TAOK1: variants seen among roughly 807,000 people sequenced by gnomAD.
TAOK1 encodes the protein TAO kinase 1, also known as serine/threonine-protein kinase TAO1.
Under a neutral mutation model 138.3 loss-of-function variants are expected in TAOK1, and 21 were observed. The observed-to-expected ratio is 0.15, with a 90% CI of 0.11 to 0.22. The LOEUF is 0.22. TAOK1 is among the 10% of genes least tolerant of loss of function. The probability of loss-of-function intolerance (pLI) is 1.00; values close to 1 mark genes in which losing one functional copy is unlikely to be tolerated. For missense variants in TAOK1, 651 were observed against 1,227.7 expected, an observed-to-expected ratio of 0.53 and a Z score of 7.02; for synonymous variants, 361 against 398.4, an observed-to-expected ratio of 0.91 and a Z score of 1.12.
chr17:29,482,525 T>A (rs946956221), intron 8 of TAOK1, among the ~76,000 whole-genome samples: 3 of 152,156 alleles, frequency 2.0e-5, no homozygotes, highest in Admixed American at 6.6e-5. Flanking sequence ...GTGGTTTTAA[T>A]TAAGTTTGAG....
chr17:29,441,313 A>T (rs1158440443), intron 1 of TAOK1, among the ~76,000 whole-genome samples: 1 of 152,014 alleles, frequency 6.6e-6, no homozygotes, highest in East Asian at 1.9e-4. Flanking sequence ...GTTCGAGTCC[A>T]CTCTGGGCAA....
Position 29,412,024 on chromosome 17 carries a change from CCTCT to C in TAOK1, c.-95+21011_-95+21014del, listed in dbSNP as rs940940628. ...TCCTTCCTTCTTTCCTTCCTTCCTT[CCTCT>C]CTCTCTCTCTTTCTCTCTCTCTTTC... is the stretch of plus-strand genomic sequence containing the variant. On this transcript the variant is annotated intron_variant, in intron 1 of 19. Coordinates refer to ENST00000261716, the MANE Select transcript of TAOK1 (RefSeq NM_020791.4). 8.0e-5 allele frequency among the ~76,000 whole-genome samples: 12 copies of C among 150,704 alleles called. No individual in the cohort carries two copies. In the East Asian group the frequency reaches 1.4e-3, roughly 17 times the overall value.
chr17:29,397,709 GAA>G (rs369759958), intron 1 of TAOK1, among the ~76,000 whole-genome samples: 1,421 of 57,398 alleles, frequency 0.025, 45 homozygotes, highest in African/African-American at 0.097. Flanking sequence ...ATGCATACAT[GAA>G]TATACATGTA....
rs1316102198 is a variant in TAOK1 at position 29,480,495 on chromosome 17, A to G, written c.563+14A>G. ...AACGCCGTATTGGTAAGAATAGTTA[A>G]AGCAGTCAGCAGCTGTTTTAAGTGT... On this transcript the variant is annotated intron_variant, in intron 7 of 19. Coordinates refer to ENST00000261716, the MANE Select transcript of TAOK1 (RefSeq NM_020791.4). The G allele has an allele frequency of 1.9e-6, 3 of 1,599,804 alleles. No individual in the cohort carries two copies. Among genetic ancestry groups the G allele is most frequent in the South Asian group, 1.1e-5 (1 of 90,192 alleles).
intron 1 of TAOK1, among the ~76,000 whole-genome samples, chr17:29,450,381 C>T (rs945165954): frequency 3.3e-5 from 5 of 152,154 alleles, no homozygotes; most frequent in Non-Finnish European, 7.3e-5. Context: ...ACTTTCACAC[C>T]TGGCCTATAG....
intron 10 of TAOK1, 72 bp downstream of exon 10, chr17:29,491,937 T>C (rs2031303745): frequency 8.7e-7 from 1 of 1,150,614 alleles, no homozygotes; most frequent in Non-Finnish European, 1.3e-6. Flanking sequence ...CAGGCTGGAG[T>C]GGCAGTGGCA....
At chr17:29,475,065 C>G (rs1022313039) in intron 3 of TAOK1, among the ~76,000 whole-genome samples, 103 of 152,020 alleles carry the variant, frequency 6.8e-4, no homozygotes, top group Non-Finnish European at 2.4e-4. Context: ...CTCAGCCTCC[C>G]GAGTACCTGG....
At chr17:29,488,591 TA>T (rs936034983) in intron 8 of TAOK1, among the ~76,000 whole-genome samples, 2 of 146,630 alleles carry the variant, frequency 1.4e-5, no homozygotes, top group African/African-American at 4.9e-5. Context: ...ATAATAATAA[TA>T]ATAATAATAA....
intron 1 of TAOK1, among the ~76,000 whole-genome samples, chr17:29,436,676 A>G (rs1246804800): frequency 6.6e-6 from 1 of 152,248 alleles, no homozygotes; most frequent in Non-Finnish European, 1.5e-5. Context: ...CAATAACTTA[A>G]CAACCTTAAT....
Position 29,501,423 on chromosome 17 carries a change from C to CA in TAOK1, c.1204-1149dup, listed in dbSNP as rs34004946. On this transcript the variant is annotated intron_variant, in intron 12 of 19. Coordinates refer to ENST00000261716, the MANE Select transcript of TAOK1 (RefSeq NM_020791.4). ...GGGCAACAAAATGGAGACCCTGTCTCAAAAAAAAAAAAAAAAAGATTATTC... is the reference window on the plus strand; with the variant it reads ...GGGCAACAAAATGGAGACCCTGTCTCAAAAAAAAAAAAAAAAAAGATTATTC... Among the ~76,000 whole-genome samples, 669 of 108,950 alleles carry CA rather than the reference C, an allele frequency of 6.1e-3. 3 individuals are homozygous for CA. The highest frequency in any genetic ancestry group is 0.019 in the African/African-American group (474 of 25,248). 71.5% of individuals were successfully genotyped at this position (108,950 alleles called of 152,430 possible).
At chr17:29,446,723 G>A (rs1253153742) in intron 1 of TAOK1, among the ~76,000 whole-genome samples, 1 of 145,118 alleles carries the variant, frequency 6.9e-6, no homozygotes, top group Non-Finnish European at 1.5e-5. Flanking sequence ...TATAGTAATT[G>A]TATTTTTACT....
At chr17:29,498,206 C>T in intron 11 of TAOK1, 112 bp from the exon 12 acceptor site, 1 of 1,075,760 alleles carries the variant, frequency 9.3e-7, no homozygotes. Flanking sequence ...CATGATAGAC[C>T]AACTTTCTGA....
intron 14 of TAOK1, among the ~76,000 whole-genome samples, chr17:29,509,626 G>T (rs549494532): frequency 6.6e-6 from 1 of 152,102 alleles, no homozygotes; most frequent in East Asian, 2.0e-4. Flanking sequence ...GGGTGCAGTG[G>T]CTCACACCTG....
chr17:29,394,150 G>GGTT (rs1904513941), intron 1 of TAOK1, among the ~76,000 whole-genome samples: 1 of 48,246 alleles, frequency 2.1e-5, no homozygotes, highest in Non-Finnish European at 3.6e-5. Context: ...TAATTTGCCA[G>GGTT]TTTTTTTTTT....
intron 1 of TAOK1, among the ~76,000 whole-genome samples, chr17:29,414,849 G>A (rs966451523): frequency 1.3e-5 from 2 of 152,090 alleles, no homozygotes; most frequent in Admixed American, 6.6e-5. Context: ...GTGAGCCACC[G>A]CACCCTGCCT....
chr17:29,534,378 T>G, intron 19 of TAOK1, 78 bp downstream of exon 19: 1 of 1,293,222 alleles, frequency 7.7e-7, no homozygotes, highest in Middle Eastern at 2.7e-4. Flanking sequence ...ATTTTCATGT[T>G]GGCAGAGGTC....
At chr17:29,462,819 ACT>A (rs928548125) in intron 2 of TAOK1, among the ~76,000 whole-genome samples, 1 of 151,588 alleles carries the variant, frequency 6.6e-6, no homozygotes, top group Admixed American at 6.6e-5. Flanking sequence ...TCTTTTTCCT[ACT>A]CTCTCTGACT....
At chr17:29,405,487 C>T (rs1196302621) in intron 1 of TAOK1, among the ~76,000 whole-genome samples, 1 of 151,914 alleles carries the variant, frequency 6.6e-6, no homozygotes, top group Admixed American at 6.6e-5. Flanking sequence ...TTTTAAAGAC[C>T]ACAAGTTTAG....
chr17:29,397,525 C>T (rs571232532), intron 1 of TAOK1, among the ~76,000 whole-genome samples: 1 of 150,972 alleles, frequency 6.6e-6, no homozygotes, highest in East Asian at 2.0e-4. Context: ...GTTGCTTGAA[C>T]TCAGCAGGCG....
Sources: allele counts gnomAD v4.1 joint callset (sites outside exome capture counted in the v4.1 genomes callset), GRCh38; gene constraint gnomAD v4.1.1; transcripts MANE v1.5; gene names NCBI Gene and HGNC (gene_info 2026-07-23, HGNC 2026-07-21).